PRUNE2: variants seen among roughly 807,000 people sequenced by gnomAD.
PRUNE2 encodes the protein prune homolog 2 with BCH domain.
PRUNE2 carries 164 observed loss-of-function variants against 252.0 expected under a neutral mutation model. The observed-to-expected ratio is 0.65, with a 90% CI of 0.57 to 0.74. The LOEUF (loss-of-function observed/expected upper bound fraction) is 0.74, where lower values mean the gene tolerates loss of function less well. Ranked by LOEUF, PRUNE2 falls within the 30% of genes least tolerant of loss-of-function variation. PRUNE2 has a pLI of 0.00. For missense variants in PRUNE2, 3,495 were observed against 3,711.0 expected, an observed-to-expected ratio of 0.94 and a Z score of 1.51; for synonymous variants, 1,292 against 1,350.2, an observed-to-expected ratio of 0.96 and a Z score of 0.94.
intron 5 of PRUNE2, 64 bp downstream of exon 5, chr9:76,826,516 T>A (rs2058354530): frequency 8.4e-7 from 1 of 1,186,564 alleles, no homozygotes; most frequent in Non-Finnish European, 1.2e-6. Context: ...GGTCTGATGA[T>A]GCTCCATGCC....
chr9:76,730,169 T>A (rs946235563), intron 6 of PRUNE2, among the ~76,000 whole-genome samples: 1 of 152,226 alleles, frequency 6.6e-6, no homozygotes, highest in Admixed American at 6.5e-5. Flanking sequence ...AATCCATATG[T>A]ACACACCTGT....
chr9:76,888,618 TAAAG>T (rs2062258106), intron 1 of PRUNE2, among the ~76,000 whole-genome samples: 1 of 145,982 alleles, frequency 6.9e-6, no homozygotes, highest in Non-Finnish European at 1.5e-5. Context: ...ATTATTTAGA[TAAAG>T]AGAGAAAGAG....
chr9:76,627,356 C>T (rs1303526529), intron 16 of PRUNE2, among the ~76,000 whole-genome samples: 4 of 151,956 alleles, frequency 2.6e-5, no homozygotes, highest in African/African-American at 9.7e-5. Context: ...AAGCTATCCA[C>T]CCTCCTCAGA....
intron 9 of PRUNE2, among the ~76,000 whole-genome samples, chr9:76,685,098 T>G (rs1452815822): frequency 6.6e-6 from 1 of 152,164 alleles, no homozygotes; most frequent in Non-Finnish European, 1.5e-5. Context: ...ATTACTGACT[T>G]CTCTTAAGAC....
chr9:76,743,795 G>A (rs1379182822), intron 6 of PRUNE2, among the ~76,000 whole-genome samples: 1 of 152,150 alleles, frequency 6.6e-6, no homozygotes. Context: ...ATGCAGTTGT[G>A]TAAACACAGA....
At chr9:76,691,519 AT>A (rs1402829063) in intron 9 of PRUNE2, among the ~76,000 whole-genome samples, 1 of 152,206 alleles carries the variant, frequency 6.6e-6, no homozygotes, top group East Asian at 1.9e-4. Flanking sequence ...ACATAAGCCC[AT>A]GTTTGAGGAT....
chr9:76,794,133 T>C (rs941315760), intron 6 of PRUNE2, among the ~76,000 whole-genome samples: 1 of 152,196 alleles, frequency 6.6e-6, no homozygotes, highest in Non-Finnish European at 1.5e-5. Flanking sequence ...CTGAGAATTT[T>C]ACCTACACTA....
chr9:76,628,740 G>GA (rs1447444837), intron 16 of PRUNE2, among the ~76,000 whole-genome samples: 2 of 151,890 alleles, frequency 1.3e-5, no homozygotes, highest in African/African-American at 4.8e-5. Context: ...TAGGTTATAG[G>GA]AAAAAATTGT....
intron 6 of PRUNE2, among the ~76,000 whole-genome samples, chr9:76,802,594 A>G (rs1019399904): frequency 6.6e-6 from 1 of 152,186 alleles, no homozygotes; most frequent in Non-Finnish European, 1.5e-5. Context: ...AAACAAATTC[A>G]TGTACCATCT....
At chr9:76,846,775 T>C (rs754797197) in intron 3 of PRUNE2, 97 bp from the exon 4 acceptor site, 5 of 990,466 alleles carry the variant, frequency 5.0e-6, no homozygotes, top group South Asian at 1.7e-5. Flanking sequence ...AATGGCTTCC[T>C]CTCAATGACC....
At chr9:76,695,472 G>T (rs1166748868) in intron 9 of PRUNE2, among the ~76,000 whole-genome samples, 4 of 152,204 alleles carry the variant, frequency 2.6e-5, no homozygotes, top group Non-Finnish European at 5.9e-5. Flanking sequence ...TAAGAAAACT[G>T]AAAGGCTGAA....
At chr9:76,756,747 A>G (rs1418511882) in intron 6 of PRUNE2, among the ~76,000 whole-genome samples, 2 of 152,198 alleles carry the variant, frequency 1.3e-5, no homozygotes, top group Non-Finnish European at 2.9e-5. Flanking sequence ...TTGTCATGGA[A>G]GCAAAATGGA....
At chr9:76,736,709 T>C (rs1247586990) in intron 6 of PRUNE2, 1 of 152,220 alleles carries the variant, frequency 6.6e-6, no homozygotes, top group Non-Finnish European at 1.5e-5. Flanking sequence ...AAGGCTCCAC[T>C]TCCTAATACT....
intron 6 of PRUNE2, among the ~76,000 whole-genome samples, chr9:76,806,508 C>CT (rs536359235): frequency 0.05 from 6,578 of 131,124 alleles, 614 homozygotes; most frequent in African/African-American, 0.18. Context: ...AGGCACCATT[C>CT]TTTTTTTTTT....
intron 6 of PRUNE2, among the ~76,000 whole-genome samples, chr9:76,813,309 G>A (rs773076812): frequency 6.6e-6 from 1 of 152,186 alleles, no homozygotes; most frequent in Non-Finnish European, 1.5e-5. Context: ...TAGTTGTTAA[G>A]TTCCTCCATA....
At chr9:76,877,795 C>G (rs1262122953) in intron 1 of PRUNE2, among the ~76,000 whole-genome samples, 1 of 152,220 alleles carries the variant, frequency 6.6e-6, no homozygotes. Context: ...GGGCAGGCAA[C>G]TGCTACCTTT....
chr9:76,693,557 C>CTG (rs2045042193), intron 9 of PRUNE2, among the ~76,000 whole-genome samples: 1 of 149,654 alleles, frequency 6.7e-6, no homozygotes, highest in Non-Finnish European at 1.5e-5. Context: ...GATTCTCCTG[C>CTG]CTCAGCCTCC....
Position 76,655,507 on chromosome 9 carries a change from A to G in PRUNE2, c.8277-5T>C, listed in dbSNP as rs1484219877. 5.0e-6 allele frequency: 8 copies of G among 1,607,606 alleles called. No homozygotes were observed. The highest frequency in any genetic ancestry group is 6.0e-6 in the Non-Finnish European group (7 of 1,175,446). On this transcript the variant is annotated splice_polypyrimidine_tract_variant and splice_region_variant and intron_variant, in intron 9 of 18. Transcript: ENST00000376718. ...CCTACATCCTCTGACAGTAGTCTGCAAAAAAAGCAAAGCAAAGCGCGTCAA... is the reference window on the plus strand; with the variant it reads ...CCTACATCCTCTGACAGTAGTCTGCGAAAAAAGCAAAGCAAAGCGCGTCAA...
intron 6 of PRUNE2, among the ~76,000 whole-genome samples, chr9:76,735,927 T>C (rs574730927): frequency 6.6e-6 from 1 of 152,358 alleles, no homozygotes; most frequent in African/African-American, 2.4e-5. Flanking sequence ...AGCTTTATTC[T>C]AGTACATTTA....
Sources: gnomAD v4.1 joint callset for allele counts (sites outside exome capture counted in the v4.1 genomes callset) on GRCh38, gnomAD v4.1.1 for gene constraint, MANE v1.5 for transcripts, NCBI Gene and HGNC (gene_info 2026-07-23, HGNC 2026-07-21) for gene names.